The following CCDC141 variants were observed in gnomAD, a reference collection of about 807,000 sequenced individuals.
The protein encoded by CCDC141 is coiled-coil domain-containing protein 141.
A neutral mutation model predicts 181.0 loss-of-function variants in CCDC141; 168 were observed. The ratio of observed to expected loss-of-function variants is 0.93; its 90% CI spans 0.82 to 1.05. The LOEUF (loss-of-function observed/expected upper bound fraction) is 1.05. CCDC141 is among the 50% of genes least tolerant of loss of function. The pLI is 0.00. For missense variants in CCDC141, 1,902 were observed against 1,788.5 expected (o/e 1.06, Z -1.14); for synonymous variants, 666 against 642.3 (o/e 1.04, Z -0.56).
chr2:178,904,993 A>T (rs1030600879), intron 8 of CCDC141, among the ~76,000 whole-genome samples: 1 of 152,250 alleles, frequency 6.6e-6, no homozygotes, highest in African/African-American at 2.4e-5. Context: ...ACCAAAGGGA[A>T]GGAGCTATTC....
intron 12 of CCDC141, chr2:178,875,571 A>G (rs1686322265): frequency 6.6e-6 from 1 of 152,240 alleles, no homozygotes; most frequent in South Asian, 2.1e-4. Flanking sequence ...TCTAAAAAAA[A>G]AAGAAAAGAA....
intron 5 of CCDC141, among the ~76,000 whole-genome samples, chr2:178,957,025 C>T (rs1038861248): frequency 6.6e-6 from 1 of 152,026 alleles, no homozygotes; most frequent in Non-Finnish European, 1.5e-5. Context: ...TACAGGCATG[C>T]ACCACCATGC....
At chr2:178,870,671 A>G (rs564970517) in intron 14 of CCDC141, among the ~76,000 whole-genome samples, 156 of 152,320 alleles carry the variant, frequency 1.0e-3, no homozygotes, top group African/African-American at 3.6e-3. Flanking sequence ...GGAACCTACA[A>G]TTAGATATTC....
At position 179,045,379 on chromosome 2, in the gene CCDC141, A is replaced by G. The variant is rs560164699; in HGVS notation, c.225+1905T>C. Among the ~76,000 whole-genome samples, 12 of 147,740 alleles carry G rather than the reference A, an allele frequency of 8.1e-5. No individual in the cohort carries two copies. The South Asian group carries it at 2.4e-3, about 30-fold the overall frequency. On this transcript the variant is annotated intron_variant, in intron 2 of 23. Coordinates refer to ENST00000443758, the MANE Select transcript of CCDC141 (RefSeq NM_173648.4). Reference sequence around the variant, plus strand: ...ATGGCTGCATAGTATTCCATGGTGTATATGTGCCACATTTTCTTAATCTAG... The same window carrying G: ...ATGGCTGCATAGTATTCCATGGTGTGTATGTGCCACATTTTCTTAATCTAG...
intron 22 of CCDC141, among the ~76,000 whole-genome samples, chr2:178,841,404 G>C (rs904963496): frequency 6.6e-6 from 1 of 152,096 alleles, no homozygotes; most frequent in African/African-American, 2.4e-5. Flanking sequence ...TAATCATCTC[G>C]GGAAGCAAGA....
intron 4 of CCDC141, among the ~76,000 whole-genome samples, chr2:178,964,781 A>G (rs780688126): frequency 6.6e-5 from 10 of 152,186 alleles, no homozygotes; most frequent in Non-Finnish European, 1.5e-4. Flanking sequence ...AACTGTCTAG[A>G]TATACTGTGA....
At chr2:178,852,871 C>T (rs1175840434) in intron 20 of CCDC141, among the ~76,000 whole-genome samples, 3 of 152,214 alleles carry the variant, frequency 2.0e-5, no homozygotes. Context: ...ATGACATTAT[C>T]TTTCCTAGTC....
intron 2 of CCDC141, among the ~76,000 whole-genome samples, chr2:178,993,130 G>T (rs1692135141): frequency 6.6e-6 from 1 of 152,156 alleles, no homozygotes; most frequent in Non-Finnish European, 1.5e-5. Context: ...AACCTGAACT[G>T]CAGTTACCAT....
intron 1 of CCDC141, among the ~76,000 whole-genome samples, chr2:179,048,194 A>G (rs1273566113): frequency 6.6e-6 from 1 of 152,210 alleles, no homozygotes; most frequent in Admixed American, 6.5e-5. Flanking sequence ...CTGAATTACT[A>G]AAGAGAAATT....
intron 6 of CCDC141, among the ~76,000 whole-genome samples, chr2:178,931,254 A>T (rs1689085766): frequency 6.6e-6 from 1 of 152,188 alleles, no homozygotes; most frequent in Non-Finnish European, 1.5e-5. Flanking sequence ...GCTATGGAAA[A>T]ATAGCATAGT....
intron 14 of CCDC141, among the ~76,000 whole-genome samples, chr2:178,870,046 A>G (rs10171735): frequency 0.053 from 8,023 of 152,172 alleles, 480 homozygotes; most frequent in East Asian, 0.17. Flanking sequence ...AGCCTGGCCA[A>G]CATGGCAGAA....
At chr2:178,965,919 G>C (rs749961603) in intron 4 of CCDC141, among the ~76,000 whole-genome samples, 1 of 152,164 alleles carries the variant, frequency 6.6e-6, no homozygotes, top group East Asian at 1.9e-4. Context: ...GACCCGGTAC[G>C]TTCCATCTTG....
At chr2:178,880,466 T>G (rs1367745520) in intron 11 of CCDC141, among the ~76,000 whole-genome samples, 1 of 151,992 alleles carries the variant, frequency 6.6e-6, no homozygotes, top group African/African-American at 2.4e-5. Context: ...GTCATTAAGC[T>G]GGATAAGAGA....
chr2:178,865,793 A>C lies in CCDC141; in HGVS notation c.2698T>G (p.Cys900Gly). 6.3e-7 allele frequency: 1 copy of C among 1,582,240 alleles called. No homozygotes were observed. The highest frequency in any genetic ancestry group is 8.6e-7 in the Non-Finnish European group (1 of 1,165,892). ...GRTLSRSVEY[C>G]AMRDEINELK... is the part of the protein sequence containing the mutation. The stretch of plus-strand genomic sequence containing the variant: ...TCATTTATCTCGTCTCTCATGGCGC[A>C]GTACTCCACACTACGGGACAGGGTC... The change falls in exon 17 of 24, where the codon TGC becomes GGC. Residue 900 changes from cysteine (C) to glycine (G), a missense_variant. By Grantham distance (159) the Cys-to-Gly change is radical (BLOSUM62 -3). Coordinates refer to ENST00000443758, the MANE Select transcript of CCDC141 (RefSeq NM_173648.4).
chr2:178,952,647 C>G (rs1689998715), intron 5 of CCDC141, among the ~76,000 whole-genome samples: 1 of 152,238 alleles, frequency 6.6e-6, no homozygotes, highest in South Asian at 2.1e-4. Flanking sequence ...TCTACAAATA[C>G]TATCAGATCC....
chr2:178,824,253 T>C, the CCDC141 span, among the ~76,000 whole-genome samples: 4 of 152,284 alleles, frequency 2.6e-5, no homozygotes, highest in South Asian at 2.1e-4. Context: ...CTCTACGAGA[T>C]GGTATCATTC....
At chr2:179,025,405 C>G (rs531577377) in intron 2 of CCDC141, among the ~76,000 whole-genome samples, 1 of 152,236 alleles carries the variant, frequency 6.6e-6, no homozygotes, top group East Asian at 1.9e-4. Flanking sequence ...TAGTGAATGA[C>G]TCTCACGAGA....
chr2:178,863,340 TG>T (rs1366832906), intron 17 of CCDC141, among the ~76,000 whole-genome samples: 1 of 152,220 alleles, frequency 6.6e-6, no homozygotes, highest in Non-Finnish European at 1.5e-5. Flanking sequence ...AAAGTGAAAC[TG>T]TGTTTAAAAA....
At chr2:178,882,695 G>C (rs910973006) in intron 11 of CCDC141, among the ~76,000 whole-genome samples, 1 of 152,104 alleles carries the variant, frequency 6.6e-6, no homozygotes, top group Non-Finnish European at 1.5e-5. Context: ...GGGAGCATAT[G>C]GGAGACCTAG....
Sources: gnomAD v4.1 joint callset for allele counts (sites outside exome capture counted in the v4.1 genomes callset) on GRCh38, gnomAD v4.1.1 for gene constraint, MANE v1.5 for transcripts, NCBI Gene and HGNC (gene_info 2026-07-23, HGNC 2026-07-21) for gene names.